The following CNBD1 variants were observed in gnomAD, a reference collection of about 807,000 sequenced individuals.
CNBD1 encodes cyclic nucleotide-binding domain-containing protein 1.
In CNBD1, 71 loss-of-function variants were observed where a neutral mutation model predicts 54.4. The ratio of observed to expected loss-of-function variants is 1.30; its 90% CI spans 1.08 to 1.59. The LOEUF is 1.59. Ranked by LOEUF, CNBD1 falls within the 40% of genes most tolerant of loss-of-function variation. CNBD1 has a pLI of 0.00. For missense variants in CNBD1, 659 were observed against 518.0 expected, an observed-to-expected ratio of 1.27 and a Z score of -2.64; for synonymous variants, 182 against 170.7, an observed-to-expected ratio of 1.07 and a Z score of -0.51.
At chr8:87,331,264 C>T (rs1809823684) in intron 8 of CNBD1, among the ~76,000 whole-genome samples, 1 of 152,094 alleles carries the variant, frequency 6.6e-6, no homozygotes. Flanking sequence ...GATGTGTGTC[C>T]ATGTGTTCTA....
chr8:87,289,156 T>C (rs1226952897), intron 8 of CNBD1, among the ~76,000 whole-genome samples: 1 of 152,160 alleles, frequency 6.6e-6, no homozygotes, highest in Non-Finnish European at 1.5e-5. Context: ...TGTTTTGATC[T>C]TATTTTAAGA....
At chr8:87,248,022 A>G (rs1475000547) in intron 6 of CNBD1, among the ~76,000 whole-genome samples, 2 of 152,140 alleles carry the variant, frequency 1.3e-5, no homozygotes, top group African/African-American at 2.4e-5. Context: ...AAAATGACCA[A>G]TTTTCCTGAT....
intron 4 of CNBD1, among the ~76,000 whole-genome samples, chr8:86,967,635 A>T (rs1808115773): frequency 6.6e-6 from 1 of 152,328 alleles, no homozygotes; most frequent in East Asian, 1.9e-4. Context: ...CATTTTTTAA[A>T]TTCTTTCTCA....
chr8:87,083,749 C>T (rs1050460161), intron 4 of CNBD1, among the ~76,000 whole-genome samples: 19 of 151,966 alleles, frequency 1.3e-4, no homozygotes, highest in African/African-American at 2.2e-4. Context: ...CCACCACACC[C>T]GGCTAATTTT....
chr8:87,119,995 C>T (rs1811858750), intron 4 of CNBD1, among the ~76,000 whole-genome samples: 1 of 151,770 alleles, frequency 6.6e-6, no homozygotes, highest in Admixed American at 6.6e-5. Context: ...TGTTGAGAAT[C>T]TTTGTGTTTA....
chr8:87,341,098 A>T lies in CNBD1; in HGVS notation c.1043-10587A>T, dbSNP rs558051617. 7.2e-5 allele frequency among the ~76,000 whole-genome samples: 11 copies of T among 152,256 alleles called. No homozygotes were observed. The South Asian group carries it at 1.2e-3, about 17-fold the overall frequency. On this transcript the variant is annotated intron_variant, in intron 8 of 10. Transcript: ENST00000518476. ...TTTGGGCTTCTCAAGCCTTTTCTTTAGATGTATCTTCTTGGACTTGTGCTT... is the reference window on the plus strand; with the variant it reads ...TTTGGGCTTCTCAAGCCTTTTCTTTTGATGTATCTTCTTGGACTTGTGCTT...
intron 6 of CNBD1, among the ~76,000 whole-genome samples, chr8:87,245,212 C>T (rs1330776130): frequency 6.6e-6 from 1 of 151,952 alleles, no homozygotes; most frequent in Non-Finnish European, 1.5e-5. Flanking sequence ...TAAAAACAAA[C>T]ATTGGGTCAT....
At chr8:87,135,466 T>C (rs1189218715) in intron 4 of CNBD1, among the ~76,000 whole-genome samples, 1 of 151,344 alleles carries the variant, frequency 6.6e-6, no homozygotes, top group South Asian at 2.1e-4. Flanking sequence ...AAATAAGTAT[T>C]AAACATGTGT....
intron 8 of CNBD1, among the ~76,000 whole-genome samples, chr8:87,301,187 G>T (rs1351339295): frequency 1.3e-5 from 2 of 152,054 alleles, no homozygotes; most frequent in Non-Finnish European, 2.9e-5. Flanking sequence ...ATAACAAGCA[G>T]CAAGATTGAA....
intron 10 of CNBD1, among the ~76,000 whole-genome samples, chr8:87,363,534 A>G (rs1810567410): frequency 6.6e-6 from 1 of 152,110 alleles, no homozygotes; most frequent in African/African-American, 2.4e-5. Flanking sequence ...CTAACTTTTT[A>G]ATGATTGCCA....
At chr8:87,224,401 T>C (rs1471729805) in intron 5 of CNBD1, among the ~76,000 whole-genome samples, 3 of 151,830 alleles carry the variant, frequency 2.0e-5, no homozygotes, top group Non-Finnish European at 4.4e-5. Flanking sequence ...CTTTAATCCA[T>C]CTTGAATTGA....
intron 6 of CNBD1, among the ~76,000 whole-genome samples, chr8:87,275,917 T>G (rs1808469981): frequency 6.6e-6 from 1 of 151,918 alleles, no homozygotes; most frequent in East Asian, 1.9e-4. Context: ...CAAGTATTCT[T>G]ATACACCAAT....
chr8:87,150,034 T>C (rs1322258944), intron 4 of CNBD1, among the ~76,000 whole-genome samples: 1 of 151,858 alleles, frequency 6.6e-6, no homozygotes, highest in Non-Finnish European at 1.5e-5. Flanking sequence ...AAACTTAGCC[T>C]GGCGTGGTGG....
intron 4 of CNBD1, among the ~76,000 whole-genome samples, chr8:86,984,649 A>G (rs1018124008): frequency 1.3e-5 from 2 of 152,142 alleles, no homozygotes; most frequent in African/African-American, 4.8e-5. Context: ...ATCATTTTAA[A>G]GCTTTAGGAT....
chr8:87,394,949 C>T (rs1418555618), intron 2 of CNBD1, among the ~76,000 whole-genome samples: 1 of 151,820 alleles, frequency 6.6e-6, no homozygotes, highest in Non-Finnish European at 1.5e-5. Flanking sequence ...TTCACTAACC[C>T]ACCAAATTAA....
intron 8 of CNBD1, among the ~76,000 whole-genome samples, chr8:87,346,615 A>G (rs1343913627): frequency 5.4e-5 from 8 of 148,948 alleles, no homozygotes; most frequent in African/African-American, 7.6e-5. Flanking sequence ...GTGTGTCTGC[A>G]TATATATATA....
At chr8:87,423,107 T>A (rs1252640127) in intron 2 of CNBD1, among the ~76,000 whole-genome samples, 3 of 152,268 alleles carry the variant, frequency 2.0e-5, no homozygotes, top group African/African-American at 7.2e-5. Context: ...ATGCTTGTGA[T>A]TTTTGCACAT....
intron 8 of CNBD1, among the ~76,000 whole-genome samples, chr8:87,309,278 C>T (rs1000936938): frequency 1.3e-5 from 2 of 152,102 alleles, no homozygotes; most frequent in Non-Finnish European, 2.9e-5. Context: ...GCCATTAAAA[C>T]TAGGATAATA....
At chr8:87,349,641 C>G (rs1206448979) in intron 8 of CNBD1, among the ~76,000 whole-genome samples, 1 of 152,188 alleles carries the variant, frequency 6.6e-6, no homozygotes, top group Non-Finnish European at 1.5e-5. Flanking sequence ...TCCCAAAGTG[C>G]TGGGATTACA....
Sources: gnomAD v4.1 joint callset for allele counts (sites outside exome capture counted in the v4.1 genomes callset) on GRCh38, gnomAD v4.1.1 for gene constraint, MANE v1.5 for transcripts, NCBI Gene and HGNC (gene_info 2026-07-23, HGNC 2026-07-21) for gene names.